The following ATRNL1 variants were observed in gnomAD, a reference collection of about 807,000 sequenced individuals.
ATRNL1 encodes the protein attractin like 1.
Under a neutral mutation model 182.7 loss-of-function variants are expected in ATRNL1, and 95 were observed. The observed-to-expected ratio is 0.52, with a 90% CI of 0.44 to 0.62. The LOEUF is 0.62. Ranked by LOEUF, ATRNL1 falls within the 20% of genes least tolerant of loss-of-function variation. ATRNL1 has a pLI of 0.00. For missense variants in ATRNL1, 1,471 were observed against 1,679.5 expected (o/e 0.88, Z 2.17); for synonymous variants, 576 against 568.3 (o/e 1.01, Z -0.19).
chr10:115,861,209 C>G (rs1565443289), intron 28 of ATRNL1, among the ~76,000 whole-genome samples: 1 of 152,082 alleles, frequency 6.6e-6, no homozygotes, highest in Non-Finnish European at 1.5e-5. Context: ...AAACTAGTCC[C>G]CATGTTTACC....
At chr10:115,675,831 C>T (rs1330747581) in intron 26 of ATRNL1, among the ~76,000 whole-genome samples, 7 of 151,912 alleles carry the variant, frequency 4.6e-5, no homozygotes, top group Admixed American at 2.6e-4. Context: ...TATTAAATAG[C>T]TTATTATTAT....
chr10:115,265,941 A>G (rs995256552), intron 11 of ATRNL1, among the ~76,000 whole-genome samples: 1 of 151,748 alleles, frequency 6.6e-6, no homozygotes, highest in East Asian at 1.9e-4. Context: ...CCTTATCCTA[A>G]ATATGTAAAA....
chr10:115,738,768 AT>A (rs2134091276), intron 27 of ATRNL1, among the ~76,000 whole-genome samples: 1 of 152,218 alleles, frequency 6.6e-6, no homozygotes, highest in East Asian at 1.9e-4. Context: ...AGGTATGAAT[AT>A]AATGTATTAC....
intron 27 of ATRNL1, among the ~76,000 whole-genome samples, chr10:115,811,442 T>C (rs1288389061): frequency 6.6e-6 from 1 of 152,038 alleles, no homozygotes; most frequent in African/African-American, 2.4e-5. Flanking sequence ...TGTATTCTGC[T>C]CTTGTATGGA....
chr10:115,560,687 G>A (rs920854924), intron 26 of ATRNL1, among the ~76,000 whole-genome samples: 7 of 148,774 alleles, frequency 4.7e-5, no homozygotes, highest in Non-Finnish European at 9.0e-5. Flanking sequence ...ACAGGGAGAG[G>A]CAAAGGGCCC....
chr10:115,678,313 A>C (rs1480820426), intron 26 of ATRNL1, among the ~76,000 whole-genome samples: 1 of 152,120 alleles, frequency 6.6e-6, no homozygotes, highest in East Asian at 1.9e-4. Flanking sequence ...TGATTTAACT[A>C]ATATAAGTAC....
chr10:115,203,361 G>C (rs868937209), intron 8 of ATRNL1, among the ~76,000 whole-genome samples: 7 of 152,020 alleles, frequency 4.6e-5, no homozygotes, highest in Non-Finnish European at 8.8e-5. Context: ...ACTTCTTAGA[G>C]AAAAAACAGA....
At chr10:115,136,709 A>T (rs1845529463) in intron 5 of ATRNL1, among the ~76,000 whole-genome samples, 1 of 152,142 alleles carries the variant, frequency 6.6e-6, no homozygotes, top group Admixed American at 6.5e-5. Context: ...GCTTTTTATG[A>T]TTGGCCTTTT....
At chr10:115,468,436 T>G (rs1554971333) in intron 23 of ATRNL1, among the ~76,000 whole-genome samples, 3 of 150,862 alleles carry the variant, frequency 2.0e-5, no homozygotes, top group Non-Finnish European at 4.5e-5. Context: ...AAGGTGATTA[T>G]GGAATAAGTG....
intron 19 of ATRNL1, among the ~76,000 whole-genome samples, chr10:115,346,692 G>T (rs1443246653): frequency 4.6e-5 from 7 of 151,938 alleles, no homozygotes; most frequent in African/African-American, 1.7e-4. Flanking sequence ...CTTCCTTGGA[G>T]AAATGTCTAT....
chr10:115,634,938 G>A (rs905488596), intron 26 of ATRNL1, among the ~76,000 whole-genome samples: 3 of 151,456 alleles, frequency 2.0e-5, no homozygotes, highest in Admixed American at 1.3e-4. Flanking sequence ...AGGGCCTAGA[G>A]AGTTTGAAAA....
intron 28 of ATRNL1, among the ~76,000 whole-genome samples, chr10:115,900,910 T>A (rs1952332788): frequency 6.6e-6 from 1 of 152,162 alleles, no homozygotes; most frequent in African/African-American, 2.4e-5. Context: ...GATCAGTAAA[T>A]ATGTGAATAG....
chr10:115,696,870 CGA>C (rs138252590), intron 26 of ATRNL1, among the ~76,000 whole-genome samples: 1,720 of 133,300 alleles, frequency 0.013, 14 homozygotes, highest in East Asian at 0.033. Context: ...CATATCAGAG[CGA>C]GAGAGAGAGA....
intron 15 of ATRNL1, among the ~76,000 whole-genome samples, chr10:115,290,352 A>G (rs548406764): frequency 3.3e-4 from 50 of 152,188 alleles, no homozygotes; most frequent in African/African-American, 1.1e-3. Context: ...ACACACAAGG[A>G]GTGAAATTAA....
intron 28 of ATRNL1, among the ~76,000 whole-genome samples, chr10:115,898,729 G>A (rs550721275): frequency 1.7e-3 from 258 of 152,274 alleles, no homozygotes; most frequent in Middle Eastern, 3.4e-3. Context: ...AAGCAGAACC[G>A]TAATGAATGA....
In ATRNL1 at chr10:115,422,776, C is replaced by A. The variant is rs545842273; in HGVS notation, c.3270-3474C>A. On this transcript the variant is annotated intron_variant, in intron 20 of 28. Coordinates refer to ENST00000355044, the MANE Select transcript of ATRNL1 (RefSeq NM_207303.4). ...GTGAACTAACACTGAAGGAGAAAAC[C>A]AAGTACTACATGTTCTCACTTTTTA... is the stretch of plus-strand genomic sequence containing the variant. 1.4e-4 allele frequency among the ~76,000 whole-genome samples: 22 copies of A among 152,264 alleles called. No homozygotes were observed. The South Asian group carries it at 4.6e-3, about 32-fold the overall frequency.
intron 28 of ATRNL1, among the ~76,000 whole-genome samples, chr10:115,853,518 C>G (rs1486337216): frequency 6.6e-6 from 1 of 152,158 alleles, no homozygotes; most frequent in African/African-American, 2.4e-5. Context: ...TTTCCAGTTT[C>G]TAGCAGCCTC....
Position 115,763,053 on chromosome 10 carries a change from G to C in ATRNL1, c.3903+35698G>C, listed in dbSNP as rs117914227. ...GGGAAGGTTTAAATAATTTATCTAA[G>C]TTGTAAAAGTTATCATGCAATAAAT... On this transcript the variant is annotated intron_variant, in intron 27 of 28. Coordinates refer to ENST00000355044, the MANE Select transcript of ATRNL1 (RefSeq NM_207303.4). 2.4e-3 allele frequency among the ~76,000 whole-genome samples: 372 copies of C among 152,140 alleles called. 15 individuals carry two copies. The East Asian group carries it at 0.064, about 26-fold the overall frequency.
intron 26 of ATRNL1, among the ~76,000 whole-genome samples, chr10:115,675,381 G>T (rs1324524371): frequency 1.3e-5 from 2 of 152,074 alleles, no homozygotes; most frequent in East Asian, 1.9e-4. Context: ...TACAAAAGAA[G>T]AAGAAGAAGG....
Sources: allele counts gnomAD v4.1 joint callset (sites outside exome capture counted in the v4.1 genomes callset), GRCh38; gene constraint gnomAD v4.1.1; transcripts MANE v1.5; gene names NCBI Gene and HGNC (gene_info 2026-07-23, HGNC 2026-07-21).